The following TMC5 variants were observed in gnomAD, a reference collection of about 807,000 sequenced individuals.
TMC5 encodes transmembrane channel-like protein 5.
Under a neutral mutation model 110.5 loss-of-function variants are expected in TMC5, and 86 were observed. The observed-to-expected ratio is 0.78, with a 90% CI of 0.65 to 0.93. The LOEUF (loss-of-function observed/expected upper bound fraction) is 0.93, where lower values mean the gene tolerates loss of function less well. TMC5 is among the 40% of genes least tolerant of loss of function. The probability of loss-of-function intolerance (pLI) is 0.00; values close to 1 mark genes in which losing one functional copy is unlikely to be tolerated. For synonymous variants in TMC5, 455 were observed against 439.5 expected, an observed-to-expected ratio of 1.04 and a Z score of -0.44; for missense variants, 1,144 against 1,222.8, an observed-to-expected ratio of 0.94 and a Z score of 0.96.
rs2301212 is a variant in TMC5 at position 19,425,861 on chromosome 16, A to G, written c.-307-4552A>G. On this transcript the variant is annotated intron_variant, in intron 1 of 21. Transcript: ENST00000542583. ...ACCACCACGCTCAGCTCATTTTTGTATTTTTAGTGATGACAGGGTTTCACC... is the reference window on the plus strand; with the variant it reads ...ACCACCACGCTCAGCTCATTTTTGTGTTTTTAGTGATGACAGGGTTTCACC... Among the ~76,000 whole-genome samples the G allele has an allele frequency of 9.9e-4, 151 of 152,068 alleles. 1 individual carries two copies. In the East Asian group the frequency reaches 0.018, roughly 19 times the overall value.
chr16:19,466,466 C>A (rs1362936929), intron 9 of TMC5, among the ~76,000 whole-genome samples: 1 of 152,152 alleles, frequency 6.6e-6, no homozygotes, highest in Non-Finnish European at 1.5e-5. Context: ...ATTCTCCTTC[C>A]TCAGCCTCCC....
At chr16:19,483,181 A>C (rs776089764) in intron 15 of TMC5, among the ~76,000 whole-genome samples, 2 of 152,066 alleles carry the variant, frequency 1.3e-5, no homozygotes, top group Non-Finnish European at 2.9e-5. Flanking sequence ...TTTTTGAGAC[A>C]GGGTCTCACT....
chr16:19,462,576 C>T (rs1319087375), intron 6 of TMC5: 11 of 700,554 alleles, frequency 1.6e-5, no homozygotes, highest in Admixed American at 4.0e-5. Context: ...GTAGGCAAGA[C>T]GGCATGTGCA....
chr16:19,419,289 A>G (rs539900937), intron 1 of TMC5, among the ~76,000 whole-genome samples: 172 of 149,744 alleles, frequency 1.1e-3, no homozygotes, highest in African/African-American at 4.1e-3. Context: ...TGCTGTCTTC[A>G]TGCTTATTAC....
In TMC5 at chr16:19,463,927, C is replaced by T. The variant is rs774954657; in HGVS notation, c.1388C>T (p.Ser463Leu). 1.7e-5 allele frequency: 28 copies of T among 1,614,038 alleles called. No individual in the cohort carries two copies. The South Asian group carries it at 2.7e-4, about 16-fold the overall frequency. The change falls in exon 8 of 22, where the codon TCA becomes TTA. Residue 463 changes from serine (S) to leucine (L), a missense_variant. Transcript: ENST00000542583. ...TGGCTTTTGAAGTTCAACATTTTCTCATTCATCCTGAACTTCAGCTTCATC... is the reference window on the plus strand; with the variant it reads ...TGGCTTTTGAAGTTCAACATTTTCTTATTCATCCTGAACTTCAGCTTCATC... ...LRWLLKFNIF[S>L]FILNFSFIII... is the part of the protein sequence containing the mutation.
chr16:19,427,657 G>A (rs374166999), intron 1 of TMC5, among the ~76,000 whole-genome samples: 3 of 151,862 alleles, frequency 2.0e-5, no homozygotes, highest in African/African-American at 7.3e-5. Context: ...GGCATTTGGG[G>A]CCAAATAATT....
At chr16:19,477,296 C>A in intron 12 of TMC5, 144 bp from the exon 13 acceptor site, 1 of 643,786 alleles carries the variant, frequency 1.6e-6, no homozygotes. Flanking sequence ...GTTCACAATT[C>A]ATTCACTGGA....
In TMC5 at chr16:19,440,670, A is replaced by T; in HGVS notation, c.632A>T (p.Asp211Val). The T allele has an allele frequency of 6.2e-7, 1 of 1,614,234 alleles. No homozygotes were observed. The highest frequency in any genetic ancestry group is 2.2e-5 in the East Asian group (1 of 44,882). The change falls in exon 3 of 22, where the codon GAC becomes GTC. Residue 211 changes from aspartate (D) to valine (V), a missense_variant. Physicochemically the swap from Asp to Val is radical, Grantham distance 152. Transcript: ENST00000542583. The part of the protein sequence containing the change: ...SLGKPDYPGA[D>V]IQPNSPPFFG... ...GGAAAGCCTGATTATCCAGGCGCTGACATTCAACCTAACTCTCCACCCTTT... is the reference window on the plus strand; with the variant it reads ...GGAAAGCCTGATTATCCAGGCGCTGTCATTCAACCTAACTCTCCACCCTTT...
At chr16:19,464,987 T>C (rs60655593) in intron 8 of TMC5, among the ~76,000 whole-genome samples, 2,333 of 149,744 alleles carry the variant, frequency 0.016, 72 homozygotes, top group African/African-American at 0.053. Flanking sequence ...TTTCTTTTCT[T>C]TTCCTTTCCT....
rs1226858039 is a variant in TMC5, at chr16:19,495,008, A to ATTTTTTTTTTTTT, written c.2931+644_2931+645insTTTTTTTTTTTTT. ...TCTCACTATGAATACTTCAGTGTCT[A>ATTTTTTTTTTTTT]TTCTTTTTTTTTTTTTTTTTTTTTG... is the stretch of plus-strand genomic sequence containing the variant. On this transcript the variant is annotated intron_variant, in intron 20 of 21. Transcript: ENST00000542583. Among the ~76,000 whole-genome samples, 15 of 37,120 alleles carry ATTTTTTTTTTTTT rather than the reference A, an allele frequency of 4.0e-4. 3 individuals carry two copies. Among genetic ancestry groups the ATTTTTTTTTTTTT allele is most frequent in the African/African-American group, 1.2e-3 (10 of 8,040 alleles). The allele number at this position is 37,120 out of a possible 152,430, so 24.4% of individuals were successfully genotyped here. A position where few individuals can be genotyped will look rare whatever the true frequency, so the allele number is the denominator to read the frequency against.
At position 19,464,038 on chromosome 16, in the gene TMC5, T is replaced by C. The variant is rs1318476611; in HGVS notation, c.1485+14T>C. On this transcript the variant is annotated intron_variant, in intron 8 of 21. Transcript: ENST00000542583. Reference sequence around the variant, plus strand: ...TTCACTGGGGTGGTAAGTCCTCCACTTCCCCTACCCCAAGTGCACCAATCA... The same window carrying C: ...TTCACTGGGGTGGTAAGTCCTCCACCTCCCCTACCCCAAGTGCACCAATCA... 9 of 1,612,092 alleles carry C rather than the reference T, an allele frequency of 5.6e-6. No homozygotes were observed. Among genetic ancestry groups the C allele is most frequent in the Non-Finnish European group, 6.8e-6 (8 of 1,178,958 alleles).
rs376177908 is a variant in TMC5, at chr16:19,444,119, G to A, written c.827G>A (p.Arg276His). The change falls in exon 4 of 22, where the codon CGT (arginine) becomes CAT (histidine). Residue 276 changes from arginine to histidine, a missense_variant. Transcript: ENST00000542583. ...ACATCTTCAATCCAGCCCTCATTTC[G>A]TCACAGGAGTGATGACCCCGTGGGC... ...SRTSSIQPSF[R>H]HRSDDPVGSL... is the part of the protein sequence containing the mutation. 92 of 1,614,036 alleles carry A rather than the reference G, an allele frequency of 5.7e-5. No individual in the cohort carries two copies. The highest frequency in any genetic ancestry group is 3.3e-4 in the African/African-American group (25 of 75,008).
In TMC5 at chr16:19,437,918, A is replaced by G. The variant is rs189157787; in HGVS notation, c.-79-2042A>G. On this transcript the variant is annotated intron_variant, in intron 2 of 21. Coordinates refer to ENST00000542583, the MANE Select transcript of TMC5 (RefSeq NM_001261841.2). ...GCCTTGTCCTGGTCCTGGAGGACTGACTGGGTTTACATGCCCATTCTTGAG... is the reference window on the plus strand; with the variant it reads ...GCCTTGTCCTGGTCCTGGAGGACTGGCTGGGTTTACATGCCCATTCTTGAG... Among the ~76,000 whole-genome samples the G allele has an allele frequency of 2.6e-5, 4 of 152,270 alleles. No individual in the cohort carries two copies. In the East Asian group the frequency reaches 7.7e-4, roughly 29 times the overall value.
At chr16:19,434,205 T>TATATAATATATATCTATAC in intron 2 of TMC5, among the ~76,000 whole-genome samples, 1 of 122,380 alleles carries the variant, frequency 8.2e-6, no homozygotes, top group Non-Finnish European at 1.6e-5. Flanking sequence ...TATATCTATA[T>TATATAATATATATCTATAC]ATCTATAGTA....
In TMC5 at chr16:19,482,099, G is replaced by A. The variant is rs137963556; in HGVS notation, c.2363+634G>A. 4.6e-3 allele frequency among the ~76,000 whole-genome samples: 696 copies of A among 151,990 alleles called. 3 individuals are homozygous for A. The highest frequency in any genetic ancestry group is 0.016 in the African/African-American group (662 of 41,464). Reference sequence around the variant, plus strand: ...TTTTTAGACGGAGTCTCCCTCTGTCGCCCAGGCTGGAGTGCAGTGGTGTGA... The same window carrying A: ...TTTTTAGACGGAGTCTCCCTCTGTCACCCAGGCTGGAGTGCAGTGGTGTGA... On this transcript the variant is annotated intron_variant, in intron 15 of 21. Coordinates refer to ENST00000542583, the MANE Select transcript of TMC5 (RefSeq NM_001261841.2).
chr16:19,472,007 C>T lies in TMC5; in HGVS notation c.1783-81C>T, dbSNP rs561096962. On this transcript the variant is annotated intron_variant, in intron 10 of 21. Transcript: ENST00000542583. ...AACTCCTGACCTCAAGTGATCCACC[C>T]GCCTTGGCCTCCCAAAGTGCTGGGA... 8.5e-4 allele frequency: 1,224 copies of T among 1,441,290 alleles called. 6 individuals are homozygous for T. In the African/African-American group the frequency reaches 0.015, roughly 18 times the overall value. 89.3% of individuals were successfully genotyped at this position (1,441,290 alleles called of 1,614,324 possible).
chr16:19,456,021 C>T (rs1341737939), intron 5 of TMC5, among the ~76,000 whole-genome samples: 2 of 151,930 alleles, frequency 1.3e-5, no homozygotes, highest in African/African-American at 2.4e-5. Flanking sequence ...TCCTGGCTAA[C>T]GTGGTGAAAC....
chr16:19,490,658 C>T, intron 18 of TMC5, 90 bp downstream of exon 18: 1 of 1,309,260 alleles, frequency 7.6e-7, no homozygotes, highest in East Asian at 2.3e-5. Flanking sequence ...AAGCAAATGG[C>T]TATAGCATAG....
chr16:19,434,402 ATATC>A lies in TMC5; in HGVS notation c.-80+3763_-80+3766del. The stretch of plus-strand genomic sequence containing the variant: ...TATATATAATATAGATATAATATAT[ATATC>A]ATATATATCTATATATAATATGTAT... On this transcript the variant is annotated intron_variant, in intron 2 of 21. Transcript: ENST00000542583. 1.5e-5 allele frequency among the ~76,000 whole-genome samples: 2 copies of A among 133,128 alleles called. 1 individual carries two copies. Among genetic ancestry groups the A allele is most frequent in the African/African-American group, 5.7e-5 (2 of 34,886 alleles). The allele number at this position is 133,128 out of a possible 152,430, so 87.3% of individuals were successfully genotyped here.
Sources: allele counts gnomAD v4.1 joint callset (sites outside exome capture counted in the v4.1 genomes callset), GRCh38; gene constraint gnomAD v4.1.1; transcripts MANE v1.5; gene names NCBI Gene and HGNC (gene_info 2026-07-23, HGNC 2026-07-21).